Variants in GRM3 observed in about 807,000 individuals in gnomAD.
The protein encoded by GRM3 is glutamate metabotropic receptor 3, also known as metabotropic glutamate receptor 3.
Under a neutral mutation model 70.5 loss-of-function variants are expected in GRM3, and 26 were observed. The observed-to-expected ratio is 0.37, with a 90% CI of 0.27 to 0.51. The LOEUF (loss-of-function observed/expected upper bound fraction) is 0.51, where lower values mean the gene tolerates loss of function less well. GRM3 is among the 20% of genes least tolerant of loss of function. The pLI, the probability that GRM3 is intolerant of heterozygous loss-of-function variation, is 0.93. For missense variants in GRM3, 859 were observed against 1,123.8 expected (o/e 0.76, Z 3.37); for synonymous variants, 443 against 434.9 (o/e 1.02, Z -0.23).
intron 3 of GRM3, among the ~76,000 whole-genome samples, chr7:86,798,842 T>TGGGCTGATGGTTTTATAA (rs1306607463): frequency 6.6e-6 from 1 of 151,004 alleles, no homozygotes; most frequent in African/African-American, 2.5e-5. Flanking sequence ...AATTGAATCA[T>TGGGCTGATGGTTTTATAA]GGGCTGATGG....
chr7:86,767,648 G>A (rs116137971), intron 2 of GRM3, among the ~76,000 whole-genome samples: 3,578 of 149,346 alleles, frequency 0.024, 142 homozygotes, highest in African/African-American at 0.081. Flanking sequence ...GTCATTTCAC[G>A]AATTTATATT....
At chr7:86,827,478 T>C (rs1180530466) in intron 3 of GRM3, among the ~76,000 whole-genome samples, 2 of 151,924 alleles carry the variant, frequency 1.3e-5, no homozygotes, top group African/African-American at 4.8e-5. Context: ...ATCTGAAAAG[T>C]AGTCATATCT....
At chr7:86,820,220 C>T (rs919951028) in intron 3 of GRM3, among the ~76,000 whole-genome samples, 1 of 152,050 alleles carries the variant, frequency 6.6e-6, no homozygotes, top group Admixed American at 6.6e-5. Flanking sequence ...ACTGGATATT[C>T]GAAAACCAAA....
intron 1 of GRM3, among the ~76,000 whole-genome samples, chr7:86,663,174 G>A (rs554412492): frequency 3.3e-5 from 5 of 151,826 alleles, no homozygotes; most frequent in South Asian, 4.2e-4. Context: ...GAGCCCTAGG[G>A]TACTTCTACT....
intron 1 of GRM3, among the ~76,000 whole-genome samples, chr7:86,701,620 A>G (rs986806999): frequency 1.3e-5 from 2 of 151,920 alleles, no homozygotes; most frequent in Admixed American, 6.6e-5. Flanking sequence ...AATCTAATTT[A>G]TTCAAAGGGT....
chr7:86,656,265 T>G (rs1793742473), intron 1 of GRM3, among the ~76,000 whole-genome samples: 1 of 141,038 alleles, frequency 7.1e-6, no homozygotes, highest in African/African-American at 2.7e-5. Flanking sequence ...ATGTTCTTTT[T>G]TTTTTTTTTT....
intron 5 of GRM3, among the ~76,000 whole-genome samples, chr7:86,857,359 A>G (rs1798870635): frequency 1.3e-5 from 2 of 152,144 alleles, no homozygotes; most frequent in African/African-American, 4.8e-5. Context: ...CATTATAAGG[A>G]TATTTACTCT....
At chr7:86,847,685 A>C (rs1798680877) in intron 4 of GRM3, among the ~76,000 whole-genome samples, 1 of 152,172 alleles carries the variant, frequency 6.6e-6, no homozygotes, top group Non-Finnish European at 1.5e-5. Flanking sequence ...GGAATCCAAA[A>C]GGAAGGAAGT....
chr7:86,697,940 TC>T (rs1562829643), intron 1 of GRM3, among the ~76,000 whole-genome samples: 1 of 152,050 alleles, frequency 6.6e-6, no homozygotes, highest in Admixed American at 6.6e-5. Flanking sequence ...ATCCTGAAAA[TC>T]CTATGGGGTA....
chr7:86,765,000 C>T lies in GRM3; in HGVS notation c.-140-6C>T. The T allele has an allele frequency of 6.8e-7, 1 of 1,460,298 alleles. No individual in the cohort carries two copies. Among genetic ancestry groups the T allele is most frequent in the South Asian group, 1.5e-5 (1 of 64,536 alleles). The allele number at this position is 1,460,298 out of a possible 1,614,324, so 90.5% of individuals were successfully genotyped here. Reference sequence around the variant, plus strand: ...ATTTTTGTTCATATAATTTTTATCTCTTTAGGAATTTTGTGACAGGCTCTG... The same window carrying T: ...ATTTTTGTTCATATAATTTTTATCTTTTTAGGAATTTTGTGACAGGCTCTG... On this transcript the variant is annotated splice_region_variant and splice_polypyrimidine_tract_variant and intron_variant, in intron 1 of 5. Coordinates refer to ENST00000361669, the MANE Select transcript of GRM3 (RefSeq NM_000840.3).
chr7:86,748,026 T>A (rs1041477746), intron 1 of GRM3, among the ~76,000 whole-genome samples: 2 of 152,094 alleles, frequency 1.3e-5, no homozygotes, highest in African/African-American at 4.8e-5. Flanking sequence ...CTTCTTTTTT[T>A]AAAAGCTTAG....
chr7:86,805,018 G>T (rs1425964851), intron 3 of GRM3, among the ~76,000 whole-genome samples: 1 of 152,148 alleles, frequency 6.6e-6, no homozygotes, highest in Non-Finnish European at 1.5e-5. Context: ...GGAGGTTGAG[G>T]TGGGAGGATC....
chr7:86,796,205 T>C (rs1797547098), intron 3 of GRM3, among the ~76,000 whole-genome samples: 1 of 152,236 alleles, frequency 6.6e-6, no homozygotes, highest in Non-Finnish European at 1.5e-5. Context: ...GGGTTTACAT[T>C]AAAGTATTTA....
intron 3 of GRM3, among the ~76,000 whole-genome samples, chr7:86,816,279 C>T (rs1381369155): frequency 2.6e-5 from 4 of 151,738 alleles, no homozygotes; most frequent in Admixed American, 6.6e-5. Context: ...GCTTACTAAG[C>T]GACAAGCACT....
At chr7:86,824,811 T>C (rs1226565860) in intron 3 of GRM3, among the ~76,000 whole-genome samples, 2 of 151,138 alleles carry the variant, frequency 1.3e-5, no homozygotes, top group Non-Finnish European at 3.0e-5. Context: ...TATGTGTGTG[T>C]GTGCACATAT....
intron 1 of GRM3, among the ~76,000 whole-genome samples, chr7:86,739,601 T>G (rs1222359996): frequency 6.6e-6 from 1 of 152,176 alleles, no homozygotes; most frequent in African/African-American, 2.4e-5. Flanking sequence ...GGGAACTTTC[T>G]GGAAAGGCAA....
rs1299093271 is a variant in GRM3 at position 86,644,402 on chromosome 7, C to G, written c.-611C>G. 3.1e-6 allele frequency: 1 copy of G among 320,568 alleles called. No homozygotes were observed. Among genetic ancestry groups the G allele is most frequent in the African/African-American group, 2.2e-5 (1 of 45,236 alleles). The allele number at this position is 320,568 out of a possible 1,614,324, so 19.9% of individuals were successfully genotyped here. On this transcript the variant is annotated 5_prime_UTR_variant, in exon 1 of 6. Transcript: ENST00000361669. Reference sequence around the variant, plus strand: ...TGCCAAGAGTCCCAATTAGATGCGACGGCTTCAGCCTGGTCAAGGTGAAGG... The same window carrying G: ...TGCCAAGAGTCCCAATTAGATGCGAGGGCTTCAGCCTGGTCAAGGTGAAGG...
At chr7:86,810,107 G>A (rs997452674) in intron 3 of GRM3, among the ~76,000 whole-genome samples, 2 of 152,016 alleles carry the variant, frequency 1.3e-5, no homozygotes. Flanking sequence ...CTTTTCACCC[G>A]AAGGTGGGAT....
chr7:86,811,771 G>A (rs1478355680), intron 3 of GRM3, among the ~76,000 whole-genome samples: 1 of 151,628 alleles, frequency 6.6e-6, no homozygotes, highest in African/African-American at 2.4e-5. Flanking sequence ...GATAAAAGTG[G>A]AGTCGCTTTG....
Sources: gnomAD v4.1 joint callset for allele counts (sites outside exome capture counted in the v4.1 genomes callset) on GRCh38, gnomAD v4.1.1 for gene constraint, MANE v1.5 for transcripts, NCBI Gene and HGNC (gene_info 2026-07-23, HGNC 2026-07-21) for gene names.